RGS7: variants seen among roughly 807,000 people sequenced by gnomAD.
RGS7 encodes the protein regulator of G-protein signaling 7.
In RGS7, 27 loss-of-function variants were observed where a neutral mutation model predicts 81.1. The observed-to-expected ratio is 0.33, with a 90% confidence interval of 0.25 to 0.46. The LOEUF (loss-of-function observed/expected upper bound fraction) is 0.46. Ranked by LOEUF, RGS7 falls within the 20% of genes least tolerant of loss-of-function variation. RGS7 has a pLI of 1.00. For synonymous variants in RGS7, 208 were observed against 207.7 expected (o/e 1.00, Z -0.01); for missense variants, 396 against 607.4 (o/e 0.65, Z 3.66).
chr1:240,793,611 A>ATATATATATATATTTT, intron 18 of RGS7, among the ~76,000 whole-genome samples: 8 of 78,804 alleles, frequency 1.0e-4, no homozygotes, highest in Admixed American at 5.9e-4. Context: ...ATATATATAT[A>ATATATATATATATTTT]TTTTTTTTTT....
chr1:241,324,474 T>G (rs1447053420), intron 2 of RGS7, among the ~76,000 whole-genome samples: 1 of 152,230 alleles, frequency 6.6e-6, no homozygotes, highest in Non-Finnish European at 1.5e-5. Context: ...ATTCCCTTCA[T>G]GGAGACTTTA....
At chr1:241,012,654 G>A (rs1050521821) in intron 3 of RGS7, among the ~76,000 whole-genome samples, 2 of 152,088 alleles carry the variant, frequency 1.3e-5, no homozygotes, top group African/African-American at 4.8e-5. Context: ...TGGCTATTCC[G>A]AAAGGCTGCA....
chr1:241,171,127 A>G (rs1352612271), intron 2 of RGS7, among the ~76,000 whole-genome samples: 1 of 152,214 alleles, frequency 6.6e-6, no homozygotes, highest in African/African-American at 2.4e-5. Context: ...TTCTATTTAA[A>G]ACGGAAAGAA....
chr1:241,275,878 T>A (rs1206863501), intron 2 of RGS7, among the ~76,000 whole-genome samples: 2 of 152,218 alleles, frequency 1.3e-5, no homozygotes, highest in Non-Finnish European at 2.9e-5. Flanking sequence ...AAGGTTTATT[T>A]GTTTAATAGA....
rs144991231 is a variant in RGS7 at position 241,346,784 on chromosome 1, C to T, written c.78+8915G>A. On this transcript the variant is annotated intron_variant, in intron 2 of 18. Transcript: ENST00000440928. ...TCATATACATAATGGACCTGGCACA[C>T]AGTAAGTAAACACTCAATAATTAAC... 8.3e-3 allele frequency among the ~76,000 whole-genome samples: 1,256 copies of T among 152,242 alleles called. 20 individuals are homozygous for T. The highest frequency in any genetic ancestry group is 0.029 in the African/African-American group (1,200 of 41,552).
intron 2 of RGS7, among the ~76,000 whole-genome samples, chr1:241,341,736 A>G (rs1002892922): frequency 4.6e-5 from 7 of 152,142 alleles, no homozygotes; most frequent in Non-Finnish European, 8.8e-5. Flanking sequence ...AGACGCAGGT[A>G]CTATTATTAC....
chr1:240,995,560 G>A (rs1186321637), intron 3 of RGS7, among the ~76,000 whole-genome samples: 1 of 152,158 alleles, frequency 6.6e-6, no homozygotes, highest in African/African-American at 2.4e-5. Flanking sequence ...AGTTGTAATA[G>A]TCTGTGGTTT....
intron 4 of RGS7, among the ~76,000 whole-genome samples, chr1:240,981,261 C>T (rs543617649): frequency 6.6e-6 from 1 of 152,186 alleles, no homozygotes; most frequent in African/African-American, 2.4e-5. Flanking sequence ...ATGTGTGTGC[C>T]ACCACACCCA....
At chr1:241,220,289 A>G (rs1051957116) in intron 2 of RGS7, among the ~76,000 whole-genome samples, 5 of 152,220 alleles carry the variant, frequency 3.3e-5, no homozygotes, top group Admixed American at 3.3e-4. Context: ...AAACCTAGAG[A>G]TCTAAAGAAG....
At chr1:241,327,943 A>G (rs1248983268) in intron 2 of RGS7, among the ~76,000 whole-genome samples, 1 of 152,230 alleles carries the variant, frequency 6.6e-6, no homozygotes, top group South Asian at 2.1e-4. Flanking sequence ...TAAAGTAACC[A>G]TATTTTCAAA....
In RGS7 at chr1:241,232,674, G is replaced by GA. The variant is rs74259978; in HGVS notation, c.78+123024dup. Among the ~76,000 whole-genome samples the GA allele has an allele frequency of 2.5e-3, 336 of 135,720 alleles. 2 individuals carry two copies. The highest frequency in any genetic ancestry group is 0.015 in the Middle Eastern group (4 of 260). 89.0% of individuals were successfully genotyped at this position (135,720 alleles called of 152,430 possible). ...TTTAGGAGCAGTTTGTCAATTTCTG[G>GA]AAAAAAAAAAAAAGGCCTGGGGGGA... On this transcript the variant is annotated intron_variant, in intron 2 of 18. Coordinates refer to ENST00000440928, the MANE Select transcript of RGS7 (RefSeq NM_001364886.1).
chr1:241,023,189 A>G (rs1160079427), intron 3 of RGS7, among the ~76,000 whole-genome samples: 2 of 151,984 alleles, frequency 1.3e-5, no homozygotes, highest in African/African-American at 4.8e-5. Context: ...ATCGTGTAAA[A>G]TGCTGACCAA....
At chr1:240,872,734 T>C (rs2148041272) in intron 6 of RGS7, among the ~76,000 whole-genome samples, 1 of 152,224 alleles carries the variant, frequency 6.6e-6, no homozygotes, top group African/African-American at 2.4e-5. Context: ...ATTCAGGAAA[T>C]TTCCCAATTC....
At chr1:241,043,700 A>G (rs971993201) in intron 3 of RGS7, among the ~76,000 whole-genome samples, 1 of 150,440 alleles carries the variant, frequency 6.6e-6, no homozygotes, top group Non-Finnish European at 1.5e-5. Context: ...AGAAAAAGCA[A>G]AAAACAAGAA....
At chr1:240,847,958 A>G (rs1445843068) in intron 9 of RGS7, among the ~76,000 whole-genome samples, 1 of 152,242 alleles carries the variant, frequency 6.6e-6, no homozygotes, top group Non-Finnish European at 1.5e-5. Flanking sequence ...ACTAACAGAT[A>G]TAAGGACAAA....
chr1:240,972,710 A>C (rs902810990), intron 4 of RGS7, among the ~76,000 whole-genome samples: 113 of 23,010 alleles, frequency 4.9e-3, no homozygotes, highest in African/African-American at 9.8e-3. Context: ...AAAAAAAAAA[A>C]CAAAAAAAAA....
intron 3 of RGS7, chr1:240,998,736 T>A: frequency 1.1e-6 from 1 of 870,530 alleles, no homozygotes; most frequent in Non-Finnish European, 1.9e-6. Context: ...GACGGTCACC[T>A]CATCATCGTG....
intron 2 of RGS7, among the ~76,000 whole-genome samples, chr1:241,298,967 T>C (rs548494113): frequency 1.3e-5 from 2 of 152,330 alleles, no homozygotes; most frequent in South Asian, 4.1e-4. Context: ...CTGCGCGTGC[T>C]ATGTCTGGAA....
intron 3 of RGS7, among the ~76,000 whole-genome samples, chr1:241,091,666 T>C (rs2063894249): frequency 6.6e-6 from 1 of 152,022 alleles, no homozygotes; most frequent in Non-Finnish European, 1.5e-5. Flanking sequence ...CATGAGGATC[T>C]CTTGAGTCCA....
Sources: gnomAD v4.1 joint callset for allele counts (sites outside exome capture counted in the v4.1 genomes callset) on GRCh38, gnomAD v4.1.1 for gene constraint, MANE v1.5 for transcripts, NCBI Gene and HGNC (gene_info 2026-07-23, HGNC 2026-07-21) for gene names.